The following GLI3 variants were observed in gnomAD, a reference collection of about 807,000 sequenced individuals.
GLI3 encodes transcription activator GLI3.
Under a neutral mutation model 100.8 loss-of-function variants are expected in GLI3, and 20 were observed. The ratio of observed to expected loss-of-function variants is 0.20; its 90% CI spans 0.14 to 0.29. The LOEUF is 0.29. Ranked by LOEUF, GLI3 falls within the 10% of genes least tolerant of loss-of-function variation. The pLI is 1.00. For missense variants in GLI3, 2,040 were observed against 2,128.5 expected, an observed-to-expected ratio of 0.96 and a Z score of 0.82; for synonymous variants, 938 against 860.5, an observed-to-expected ratio of 1.09 and a Z score of -1.58.
intron 2 of GLI3, among the ~76,000 whole-genome samples, chr7:42,214,134 TC>T (rs1382138929): frequency 6.6e-6 from 1 of 152,238 alleles, no homozygotes; most frequent in East Asian, 1.9e-4. Context: ...GTGAGGCTTT[TC>T]TCTCACATCT....
At chr7:42,165,158 G>C (rs1459514065) in intron 2 of GLI3, among the ~76,000 whole-genome samples, 1 of 150,100 alleles carries the variant, frequency 6.7e-6, no homozygotes, top group Non-Finnish European at 1.5e-5. Context: ...GTGAGCCTGG[G>C]CAACAGAGTG....
At chr7:42,221,485 C>T (rs1562791343) in intron 2 of GLI3, among the ~76,000 whole-genome samples, 1 of 152,242 alleles carries the variant, frequency 6.6e-6, no homozygotes, top group East Asian at 1.9e-4. Context: ...ACCACCCACA[C>T]CCACACACCT....
intron 1 of GLI3, among the ~76,000 whole-genome samples, chr7:42,243,013 T>C (rs777101733): frequency 3.3e-5 from 5 of 152,158 alleles, no homozygotes; most frequent in Non-Finnish European, 7.3e-5. Context: ...CTCTGTGGTA[T>C]TCACAGGAGG....
intron 2 of GLI3, among the ~76,000 whole-genome samples, chr7:42,181,959 T>A (rs1003801398): frequency 2.0e-5 from 3 of 152,228 alleles, no homozygotes; most frequent in Non-Finnish European, 2.9e-5. Flanking sequence ...GTGGTCCTTG[T>A]AGATGAGCTA....
At chr7:42,232,138 TAAAAA>T (rs1318927243) in intron 1 of GLI3, among the ~76,000 whole-genome samples, 2 of 150,234 alleles carry the variant, frequency 1.3e-5, no homozygotes, top group South Asian at 2.2e-4. Flanking sequence ...CCTCCCCTCT[TAAAAA>T]AGAAAAGAAA....
intron 3 of GLI3, among the ~76,000 whole-genome samples, chr7:42,115,218 A>C (rs1785823109): frequency 7.3e-6 from 1 of 137,902 alleles, no homozygotes; most frequent in Non-Finnish European, 1.5e-5. Flanking sequence ...AGCTCACTGC[A>C]ACTTCCATGT....
chr7:42,228,092 G>C (rs1041732512), intron 1 of GLI3, among the ~76,000 whole-genome samples: 1 of 151,812 alleles, frequency 6.6e-6, no homozygotes, highest in Non-Finnish European at 1.5e-5. Context: ...CGGCGGCGCG[G>C]TGGGTTCATT....
rs180811004 is a variant in GLI3, at chr7:42,152,815, A to T, written c.125-4347T>A. ...CTGTATTGACTTAAGAACAGGCTCC[A>T]CTCCACATATTGCCACTAGCAGGAT... On this transcript the variant is annotated intron_variant, in intron 2 of 14. Coordinates refer to ENST00000395925, the MANE Select transcript of GLI3 (RefSeq NM_000168.6). 1.5e-3 allele frequency among the ~76,000 whole-genome samples: 228 copies of T among 152,284 alleles called. 1 individual carries two copies. Among genetic ancestry groups the T allele is most frequent in the Non-Finnish European group, 2.5e-3 (171 of 68,008 alleles).
chr7:42,146,603 A>C (rs1039151708), intron 3 of GLI3, among the ~76,000 whole-genome samples: 1 of 152,208 alleles, frequency 6.6e-6, no homozygotes, highest in Non-Finnish European at 1.5e-5. Context: ...AGATGGGAAA[A>C]GTTTGTGTTC....
At position 42,040,162 on chromosome 7, in the gene GLI3, G is replaced by A; in HGVS notation, c.904C>T (p.His302Tyr). The A allele has an allele frequency of 1.9e-6, 3 of 1,613,882 alleles. No individual in the cohort carries two copies. In the South Asian group the frequency reaches 3.3e-5, roughly 18 times the overall value. ...ATCATGGTCTGAAGGTCAAAGCTAT[G>A]ATCGGAGAGTGGTGATATGGACAGT... ...RTLSISPLSDHSFDLQTMIRT... is the reference protein window; with the variant it reads ...RTLSISPLSDYSFDLQTMIRT... The change falls in exon 7 of 15, where the codon CAT (histidine) becomes TAT (tyrosine). Residue 302 changes from histidine (H) to tyrosine (Y), a missense_variant. His to Tyr is a moderately conservative substitution (Grantham distance 83). Coordinates refer to ENST00000395925, the MANE Select transcript of GLI3 (RefSeq NM_000168.6).
At chr7:42,011,516 G>T (rs747436550) in intron 10 of GLI3, among the ~76,000 whole-genome samples, 4 of 152,096 alleles carry the variant, frequency 2.6e-5, no homozygotes, top group Non-Finnish European at 1.5e-5. Flanking sequence ...ATCCATCAAC[G>T]GATGCACGGA....
intron 2 of GLI3, among the ~76,000 whole-genome samples, chr7:42,221,921 G>A (rs1037655315): frequency 6.6e-6 from 1 of 152,150 alleles, no homozygotes; most frequent in African/African-American, 2.4e-5. Context: ...TAACTCAGAC[G>A]TAAATATATC....
chr7:42,226,718 T>C (rs188271189), intron 1 of GLI3, among the ~76,000 whole-genome samples: 9 of 152,374 alleles, frequency 5.9e-5, no homozygotes, highest in Non-Finnish European at 1.3e-4. Context: ...AGACATCTGC[T>C]TCCTGTACAC....
intron 3 of GLI3, among the ~76,000 whole-genome samples, chr7:42,138,255 C>A (rs1050387665): frequency 6.6e-6 from 1 of 152,202 alleles, no homozygotes; most frequent in Non-Finnish European, 1.5e-5. Context: ...ATCAGAAGGA[C>A]TGAGTCCCCC....
At chr7:42,183,357 C>A (rs1787655301) in intron 2 of GLI3, among the ~76,000 whole-genome samples, 1 of 152,160 alleles carries the variant, frequency 6.6e-6, no homozygotes, top group Non-Finnish European at 1.5e-5. Context: ...GGACAGGTGG[C>A]AACAGGCTAA....
At chr7:42,060,351 T>TA (rs1297177398) in intron 4 of GLI3, among the ~76,000 whole-genome samples, 14 of 152,132 alleles carry the variant, frequency 9.2e-5, no homozygotes, top group Non-Finnish European at 1.3e-4. Context: ...TGATGTCACT[T>TA]CGGCATTACT....
rs562653058 is a variant in GLI3 at position 42,023,618 on chromosome 7, G to C, written c.1357-10C>G. On this transcript the variant is annotated splice_polypyrimidine_tract_variant and intron_variant, in intron 9 of 14. Transcript: ENST00000395925. ...TTCCTTCGGGCTGTTCCTGAAAGAA[G>C]AGGGTGGGGGGCAGGGAACAGAGAA... 3.1e-6 allele frequency: 5 copies of C among 1,600,194 alleles called. No individual in the cohort carries two copies. The South Asian group carries it at 3.3e-5, about 11-fold the overall frequency.
chr7:41,965,258 C>G lies in GLI3; in HGVS notation c.3815G>C (p.Cys1272Ser). The G allele has an allele frequency of 6.2e-7, 1 of 1,613,760 alleles. No homozygotes were observed. Among genetic ancestry groups the G allele is most frequent in the Non-Finnish European group, 8.5e-7 (1 of 1,179,776 alleles). Residue 1272 changes from cysteine (C) to serine (S), a missense_variant, in exon 15 of 15, where the codon TGT becomes TCT. Cys to Ser is a moderately radical substitution (Grantham distance 112). Around this residue, in one of 5 missense-constraint regions of GLI3, gnomAD observed 1,041 missense variants for 924.0 expected, o/e 1.13. Transcript: ENST00000395925. Reference sequence around the variant, plus strand: ...CTTTGAGGCTTGAATCCCGGCACCACAGGCACCGTCGAGTGCACCAGGGGC... The same window carrying G: ...CTTTGAGGCTTGAATCCCGGCACCAGAGGCACCGTCGAGTGCACCAGGGGC... Reference protein sequence around the residue: ...PVAPGALDGACGAGIQASKLK... With the variant: ...PVAPGALDGASGAGIQASKLK...
chr7:42,078,715 C>A lies in GLI3; in HGVS notation c.368-1858G>T, dbSNP rs190311308. On this transcript the variant is annotated intron_variant, in intron 3 of 14. Coordinates refer to ENST00000395925, the MANE Select transcript of GLI3 (RefSeq NM_000168.6). ...GTGAGGGATATACTAATGACCTGAT[C>A]ATTTATCACAGTTTTTTTTTTTTTT... 1.7e-4 allele frequency among the ~76,000 whole-genome samples: 24 copies of A among 145,058 alleles called. No individual in the cohort carries two copies. In the South Asian group the frequency reaches 5.0e-3, roughly 30 times the overall value.
Sources: allele counts gnomAD v4.1 joint callset (sites outside exome capture counted in the v4.1 genomes callset), GRCh38; gene constraint gnomAD v4.1.1; regional missense constraint gnomAD v4.1.1; transcripts MANE v1.5; gene names NCBI Gene and HGNC (gene_info 2026-07-23, HGNC 2026-07-21).